JPH4: variants seen among roughly 807,000 people sequenced by gnomAD.
JPH4 encodes the protein junctophilin-4.
JPH4 carries 18 observed loss-of-function variants against 57.6 expected under a neutral mutation model. That is an observed-to-expected ratio of 0.31 (90% CI 0.22 to 0.46). JPH4 has a LOEUF of 0.46. Ranked by LOEUF, JPH4 falls within the 20% of genes least tolerant of loss-of-function variation. The pLI, the probability that JPH4 is intolerant of heterozygous loss-of-function variation, is 1.00. For missense variants in JPH4, 727 were observed against 911.1 expected (o/e 0.80, Z 2.60); for synonymous variants, 425 against 406.6 (o/e 1.05, Z -0.54).
intron 3 of JPH4, among the ~76,000 whole-genome samples, chr14:23,573,513 C>T (rs550907137): frequency 1.3e-5 from 2 of 152,300 alleles, no homozygotes; most frequent in South Asian, 4.1e-4. Context: ...GAAACTGGTG[C>T]ACTGATGAGG....
Position 23,577,173 on chromosome 14 carries a change from C to A in JPH4, c.281G>T (p.Arg94Leu). The stretch of plus-strand genomic sequence containing the variant: ...GGACACGCTTTCCCACACGCCGCTG[C>A]GCCCCTTCAGCCCGCCCAGCCACTC... ...RGEWLGGLKGRSGVWESVSGL... is the reference protein window; with the variant it reads ...RGEWLGGLKGLSGVWESVSGL... The change falls in exon 2 of 6, where the codon CGC (arginine) becomes CTC (leucine). Residue 94 changes from arginine (R) to leucine (L), a missense_variant. Arg to Leu is a moderately radical substitution (Grantham distance 102). Transcript: ENST00000356300. The surrounding 1 kb of genome is among the most constrained non-coding windows in gnomAD (Gnocchi z 8.4). 1.3e-6 allele frequency: 2 copies of A among 1,536,294 alleles called. No homozygotes were observed. Among genetic ancestry groups the A allele is most frequent in the Non-Finnish European group, 1.7e-6 (2 of 1,146,722 alleles).
Position 23,575,815 on chromosome 14 carries a change from C to G in JPH4, c.1021G>C (p.Gly341Arg). 6.3e-7 allele frequency: 1 copy of G among 1,583,014 alleles called. No individual in the cohort carries two copies. Among genetic ancestry groups the G allele is most frequent in the Non-Finnish European group, 8.6e-7 (1 of 1,166,756 alleles). ...KYKRNRLVHG[G>R]RVRSLLPLAL... ...AGAGGCAGGAGACTGCGGACGCGCC[C>G]GCCGTGCACCAGCCGGTTGCGCTTG... Residue 341 changes from glycine to arginine, a missense_variant, in exon 3 of 6, where the codon GGG becomes CGG. By Grantham distance (125) the Gly-to-Arg change is moderately radical. Transcript: ENST00000356300. The surrounding 1 kb of genome is among the most constrained non-coding windows in gnomAD (Gnocchi z 6.9).
intron 3 of JPH4, chr14:23,572,859 C>T (rs960599849): frequency 1.4e-6 from 1 of 702,566 alleles, no homozygotes; most frequent in South Asian, 1.5e-5. Flanking sequence ...GTGCAGGCAG[C>T]CTGGGAGTCT....
Position 23,577,362 on chromosome 14 carries a change from G to A in JPH4, c.92C>T (p.Thr31Met), listed in dbSNP as rs1474125158. The A allele has an allele frequency of 3.3e-6, 5 of 1,520,430 alleles. No homozygotes were observed. The highest frequency in any genetic ancestry group is 1.2e-5 in the South Asian group (1 of 81,988). 94.2% of individuals were successfully genotyped at this position (1,520,430 alleles called of 1,614,324 possible). Residue 31 changes from threonine to methionine, a missense_variant, in exon 2 of 6, where the codon ACG becomes ATG. Physicochemically the swap from Thr to Met is moderately conservative, Grantham distance 81. Transcript: ENST00000356300. The surrounding 1 kb of genome is among the most constrained non-coding windows in gnomAD (Gnocchi z 8.4). Reference sequence around the variant, plus strand: ...GTACTCGCCCTGGGCGCCGGGGCCCGTGCACACGCCGTAGCCATGTGCCCG... The same window carrying A: ...GTACTCGCCCTGGGCGCCGGGGCCCATGCACACGCCGTAGCCATGTGCCCG... ...AGRAHGYGVCTGPGAQGEYSG... is the reference protein window; with the variant it reads ...AGRAHGYGVCMGPGAQGEYSG...
rs1351563679 is a variant in JPH4, at chr14:23,577,172, G to A, written c.282C>T (p.Arg94=). The A allele has an allele frequency of 1.4e-5, 21 of 1,536,416 alleles. No individual in the cohort carries two copies. The highest frequency in any genetic ancestry group is 2.0e-5 in the Admixed American group (1 of 50,936). Residue 94 remains arginine, a synonymous_variant, in exon 2 of 6, where the codon CGC becomes CGT. Transcript: ENST00000356300. The surrounding 1 kb of genome is among the most constrained non-coding windows in gnomAD (Gnocchi z 8.4). ...RGEWLGGLKG[R]SGVWESVSGL... ...CGGACACGCTTTCCCACACGCCGCT[G>A]CGCCCCTTCAGCCCGCCCAGCCACT...
chr14:23,569,290 T>A lies in JPH4; in HGVS notation c.*344A>T. ...GCGAAGTTGAGGTCTAAAGAAAAGG[T>A]GGGAGGGCGTGGAGCAATGGTCTGA... On this transcript the variant is annotated 3_prime_UTR_variant, in exon 6 of 6. Coordinates refer to ENST00000356300, the MANE Select transcript of JPH4 (RefSeq NM_001146028.2). The surrounding 1 kb of genome is among the most constrained non-coding windows in gnomAD (Gnocchi z 4.8). The A allele has an allele frequency of 3.4e-6, 1 of 296,216 alleles. No homozygotes were observed. The highest frequency in any genetic ancestry group is 6.5e-6 in the Non-Finnish European group (1 of 154,026). 18.3% of individuals were successfully genotyped at this position (296,216 alleles called of 1,614,324 possible).
In JPH4 at chr14:23,568,467, C is replaced by G; in HGVS notation, c.*1167G>C. 1 of 985,732 alleles carries G rather than the reference C, an allele frequency of 1.0e-6. No individual in the cohort carries two copies. Among genetic ancestry groups the G allele is most frequent in the East Asian group, 1.1e-4 (1 of 8,820 alleles). 61.1% of individuals were successfully genotyped at this position (985,732 alleles called of 1,614,324 possible). A position where few individuals can be genotyped will look rare whatever the true frequency, so the allele number is the denominator to read the frequency against. ...CCCACCTGTCACCCGGGTTTGACTC[C>G]CACCTCTGCCCTGCCTGGGAAGCAT... is the stretch of plus-strand genomic sequence containing the variant. On this transcript the variant is annotated 3_prime_UTR_variant, in exon 6 of 6. Transcript: ENST00000356300.
chr14:23,575,864 G>A lies in JPH4; in HGVS notation c.972C>T (p.Asp324=). The change falls in exon 3 of 6, where the codon GAC becomes GAT. Residue 324 remains aspartate, a synonymous_variant. Coordinates refer to ENST00000356300, the MANE Select transcript of JPH4 (RefSeq NM_001146028.2). The surrounding 1 kb of genome is among the most constrained non-coding windows in gnomAD (Gnocchi z 6.9). ...RHGYGRTTRP[D]GSREEGKYKR... ...TGTACTTGCCCTCCTCGCGGGAGCC[G>A]TCGGGGCGGGTGGTGCGCCCGTAGC... is the stretch of plus-strand genomic sequence containing the variant. 1.3e-6 allele frequency: 2 copies of A among 1,576,464 alleles called. No homozygotes were observed. Among genetic ancestry groups the A allele is most frequent in the Non-Finnish European group, 8.6e-7 (1 of 1,164,622 alleles).
In JPH4 at chr14:23,569,434, G is replaced by T; in HGVS notation, c.*200C>A. 1.7e-6 allele frequency: 1 copy of T among 586,756 alleles called. No homozygotes were observed. The allele number at this position is 586,756 out of a possible 1,614,324, so 36.3% of individuals were successfully genotyped here. On this transcript the variant is annotated 3_prime_UTR_variant, in exon 6 of 6. Coordinates refer to ENST00000356300, the MANE Select transcript of JPH4 (RefSeq NM_001146028.2). The surrounding 1 kb of genome is among the most constrained non-coding windows in gnomAD (Gnocchi z 4.8). The stretch of plus-strand genomic sequence containing the variant: ...GAAGGGAGTGAGGAATACAGAGACA[G>T]ATCCAGAAGAAATGAGATAATCTGA...
rs1034188839 is a variant in JPH4 at position 23,577,735 on chromosome 14, C to G, written c.-171-111G>C. 1.2e-5 allele frequency: 4 copies of G among 338,178 alleles called. No homozygotes were observed. The highest frequency in any genetic ancestry group is 7.7e-4 in the Middle Eastern group (1 of 1,292). 20.9% of individuals were successfully genotyped at this position (338,178 alleles called of 1,614,324 possible). Reference sequence around the variant, plus strand: ...TCAGCGCCGCCCCCCAATCCACCCCCCTCCTTTGGCAGCATCTTCCAGCAG... The same window carrying G: ...TCAGCGCCGCCCCCCAATCCACCCCGCTCCTTTGGCAGCATCTTCCAGCAG... On this transcript the variant is annotated intron_variant, in intron 1 of 5. Transcript: ENST00000356300. This position sits in a 1 kb window ranked among gnomAD's most constrained non-coding sequence, Gnocchi z 8.4.
In JPH4 at chr14:23,577,188, C is replaced by T. The variant is rs1889296012; in HGVS notation, c.266G>A (p.Gly89Asp). 2 of 1,536,796 alleles carry T rather than the reference C, an allele frequency of 1.3e-6. No homozygotes were observed. Among genetic ancestry groups the T allele is most frequent in the South Asian group, 2.4e-5 (2 of 83,844 alleles). ...CACGCCGCTGCGCCCCTTCAGCCCG[C>T]CCAGCCACTCGCCGCGGTACGTCCA... ...SRWTYRGEWLGGLKGRSGVWE... is the reference protein window; with the variant it reads ...SRWTYRGEWLDGLKGRSGVWE... Residue 89 changes from glycine to aspartate, a missense_variant, in exon 2 of 6, where the codon GGC becomes GAC. Coordinates refer to ENST00000356300, the MANE Select transcript of JPH4 (RefSeq NM_001146028.2). This position sits in a 1 kb window ranked among gnomAD's most constrained non-coding sequence, Gnocchi z 8.4.
At position 23,568,100 on chromosome 14, in the gene JPH4, A is replaced by G. The variant is rs1278238840; in HGVS notation, c.*1534T>C. 1.0e-6 allele frequency: 1 copy of G among 984,866 alleles called. No homozygotes were observed. Among genetic ancestry groups the G allele is most frequent in the East Asian group, 1.1e-4 (1 of 8,822 alleles). 61.0% of individuals were successfully genotyped at this position (984,866 alleles called of 1,614,324 possible). ...AATTTCTTTGTATTTTTTTCCTGCA[A>G]GACTTGGTGTTGGCGGCACTGTTGT... is the stretch of plus-strand genomic sequence containing the variant. On this transcript the variant is annotated 3_prime_UTR_variant, in exon 6 of 6. Transcript: ENST00000356300.
At chr14:23,574,176 ATTT>A (rs61343632) in intron 3 of JPH4, among the ~76,000 whole-genome samples, 2 of 140,918 alleles carry the variant, frequency 1.4e-5, no homozygotes, top group Non-Finnish European at 1.6e-5. Flanking sequence ...CTTCTTTTAG[ATTT>A]TTTTTTTTTT....
rs1000130078 is a variant in JPH4 at position 23,569,116 on chromosome 14, C to T, written c.*518G>A. On this transcript the variant is annotated 3_prime_UTR_variant, in exon 6 of 6. Transcript: ENST00000356300. This position sits in a 1 kb window ranked among gnomAD's most constrained non-coding sequence, Gnocchi z 4.8. ...CACCTCCTGCAGCTTTTTCACTAGG[C>T]CTCAGAGGGACAGCAGGCCCCTTAG... 14 of 171,256 alleles carry T rather than the reference C, an allele frequency of 8.2e-5. No individual in the cohort carries two copies. The South Asian group carries it at 1.6e-3, about 20-fold the overall frequency. The allele number at this position is 171,256 out of a possible 1,614,324, so 10.6% of individuals were successfully genotyped here.
At chr14:23,574,874 G>C (rs1052770101) in intron 3 of JPH4, 5 of 209,154 alleles carry the variant, frequency 2.4e-5, no homozygotes, top group Admixed American at 5.9e-5. Context: ...GGCTGGTCTT[G>C]ATGGGCTCAA....
rs1402336540 is a variant in JPH4, at chr14:23,571,060, C to T, written c.1671G>A (p.Arg557=). The change falls in exon 5 of 6, where the codon AGG becomes AGA. Residue 557 remains arginine, a synonymous_variant. Coordinates refer to ENST00000356300, the MANE Select transcript of JPH4 (RefSeq NM_001146028.2). The surrounding 1 kb of genome is among the most constrained non-coding windows in gnomAD (Gnocchi z 4.6). ...GEDEEPLPPL[R]APAGTEPEPI... Reference sequence around the variant, plus strand: ...GCTCAGGCTCCGTGCCTGCTGGGGCCCTCAGCGGGGGCAGGGGCTCTTCAT... The same window carrying T: ...GCTCAGGCTCCGTGCCTGCTGGGGCTCTCAGCGGGGGCAGGGGCTCTTCAT... The T allele has an allele frequency of 1.2e-6, 2 of 1,610,664 alleles. No individual in the cohort carries two copies. Among genetic ancestry groups the T allele is most frequent in the African/African-American group, 1.3e-5 (1 of 74,882 alleles).
In JPH4 at chr14:23,577,095, G is replaced by T; in HGVS notation, c.359C>A (p.Thr120Asn). ...WKDGFQDGYG[T>N]ETYSDGGTYQ... Reference sequence around the variant, plus strand: ...CGCACCTCCGTCGGAGTAGGTCTCAGTGCCGTAGCCGTCCTGGAAACCGTC... The same window carrying T: ...CGCACCTCCGTCGGAGTAGGTCTCATTGCCGTAGCCGTCCTGGAAACCGTC... Residue 120 changes from threonine (T) to asparagine (N), a missense_variant, in exon 2 of 6, where the codon ACT (threonine) becomes AAT (asparagine). This residue lies in a region of JPH4 where 90 missense variants were observed against 88.1 expected (regional missense o/e 1.02). Coordinates refer to ENST00000356300, the MANE Select transcript of JPH4 (RefSeq NM_001146028.2). The surrounding 1 kb of genome is among the most constrained non-coding windows in gnomAD (Gnocchi z 8.4). The T allele has an allele frequency of 6.4e-7, 1 of 1,565,288 alleles. No homozygotes were observed. Among genetic ancestry groups the T allele is most frequent in the East Asian group, 2.3e-5 (1 of 43,074 alleles).
chr14:23,577,550 C>A lies in JPH4; in HGVS notation c.-97G>T. The A allele has an allele frequency of 9.9e-7, 1 of 1,007,302 alleles. No individual in the cohort carries two copies. Among genetic ancestry groups the A allele is most frequent in the Non-Finnish European group, 1.3e-6 (1 of 750,888 alleles). The allele number at this position is 1,007,302 out of a possible 1,614,324, so 62.4% of individuals were successfully genotyped here. ...CTTGGAGCCGGGCGAGGCCTCGGGG[C>A]GGGGGCAGTTAGACCGGGGCCGGGC... On this transcript the variant is annotated 5_prime_UTR_variant, in exon 2 of 6. Coordinates refer to ENST00000356300, the MANE Select transcript of JPH4 (RefSeq NM_001146028.2). The surrounding 1 kb of genome is among the most constrained non-coding windows in gnomAD (Gnocchi z 8.4).
Position 23,577,406 on chromosome 14 carries a change from C to G in JPH4, c.48G>C (p.Val16=), listed in dbSNP as rs1396085583. Reference sequence around the variant, plus strand: ...GTGCCCGCCCCGCCTCCCAGCCCCCCACGTAGCAGCCCCCGTCGTCAAAGT... The same window carrying G: ...GTGCCCGCCCCGCCTCCCAGCCCCCGACGTAGCAGCCCCCGTCGTCAAAGT... ...KFDFDDGGCY[V]GGWEAGRAHG... The change falls in exon 2 of 6, where the codon GTG becomes GTC. Residue 16 remains valine (V), a synonymous_variant. Coordinates refer to ENST00000356300, the MANE Select transcript of JPH4 (RefSeq NM_001146028.2). This position sits in a 1 kb window ranked among gnomAD's most constrained non-coding sequence, Gnocchi z 8.4. The G allele has an allele frequency of 4.1e-6, 6 of 1,466,060 alleles. No individual in the cohort carries two copies. The highest frequency in any genetic ancestry group is 5.4e-6 in the Non-Finnish European group (6 of 1,111,930). 90.8% of individuals were successfully genotyped at this position (1,466,060 alleles called of 1,614,324 possible).
Sources: gnomAD v4.1 joint callset for allele counts (sites outside exome capture counted in the v4.1 genomes callset) on GRCh38, gnomAD v4.1.1 for gene constraint, gnomAD v4.1.1 regional missense constraint, Gnocchi (gnomAD v3.1) non-coding constraint, MANE v1.5 for transcripts, NCBI Gene and HGNC (gene_info 2026-07-23, HGNC 2026-07-21) for gene names.